ZDHHC19: variants seen among roughly 807,000 people sequenced by gnomAD.
ZDHHC19 encodes palmitoyltransferase ZDHHC19.
ZDHHC19 carries 30 observed loss-of-function variants against 33.9 expected under a neutral mutation model. That is an observed-to-expected ratio of 0.88 (90% CI 0.66 to 1.20). The LOEUF is 1.20. Ranked by LOEUF, ZDHHC19 falls within the 50% of genes most tolerant of loss-of-function variation. The pLI is 0.00. For missense variants in ZDHHC19, 364 were observed against 401.1 expected, an observed-to-expected ratio of 0.91 and a Z score of 0.79; for synonymous variants, 178 against 167.6, an observed-to-expected ratio of 1.06 and a Z score of -0.48.
At chr3:196,210,035 C>T (rs1403378846) in intron 2 of ZDHHC19, among the ~76,000 whole-genome samples, 1 of 151,944 alleles carries the variant, frequency 6.6e-6, no homozygotes. Context: ...ACTAAAAATA[C>T]AAAAAATTAG....
intron 5 of ZDHHC19, among the ~76,000 whole-genome samples, chr3:196,206,492 A>G (rs1235967892): frequency 6.6e-6 from 1 of 151,798 alleles, no homozygotes; most frequent in Non-Finnish European, 1.5e-5. Context: ...AGCTGGGACT[A>G]AAGGCACGTG....
At chr3:196,209,904 G>A (rs944966494) in intron 2 of ZDHHC19, among the ~76,000 whole-genome samples, 5 of 152,172 alleles carry the variant, frequency 3.3e-5, no homozygotes, top group Non-Finnish European at 7.3e-5. Flanking sequence ...TTAAGAAACG[G>A]GGTAGGGCCG....
Position 196,205,387 on chromosome 3 carries a change from G to A in ZDHHC19, c.687+2011C>T, listed in dbSNP as rs561290672. The stretch of plus-strand genomic sequence containing the variant: ...CTCGAATGTATTGTGCTAAGTGAAA[G>A]AAGCCAGACTCACAAGCCAACAATT... On this transcript the variant is annotated intron_variant, in intron 5 of 7. Transcript: ENST00000296326. Among the ~76,000 whole-genome samples, 189 of 152,234 alleles carry A rather than the reference G, an allele frequency of 1.2e-3. 1 individual carries two copies. The highest frequency in any genetic ancestry group is 4.5e-3 in the African/African-American group (186 of 41,552).
intron 2 of ZDHHC19, among the ~76,000 whole-genome samples, chr3:196,209,804 C>G (rs1723068086): frequency 6.6e-6 from 1 of 152,192 alleles, no homozygotes; most frequent in African/African-American, 2.4e-5. Context: ...TTTGGAAGAG[C>G]CCACTGGCTT....
Position 196,209,439 on chromosome 3 carries a change from T to C in ZDHHC19, c.345A>G (p.Pro115=). ...GGGGCGGGCGGTGGAAGCAGCACTT[T>C]GGACACCATTGCAGGCGGAAGGCCC... The part of the protein sequence containing the change: ...NHGAFRLQWC[P]KCCFHRPPRT... The change falls in exon 3 of 8, where the codon CCA becomes CCG. Residue 115 remains proline (P), a synonymous_variant. Transcript: ENST00000296326. 6.2e-7 allele frequency: 1 copy of C among 1,611,272 alleles called. No homozygotes were observed. The highest frequency in any genetic ancestry group is 8.5e-7 in the Non-Finnish European group (1 of 1,179,080).
chr3:196,208,351 C>T (rs370245048), intron 4 of ZDHHC19, 37 bp downstream of exon 4: 1 of 1,607,664 alleles, frequency 6.2e-7, no homozygotes, highest in African/African-American at 1.3e-5. Flanking sequence ...CTTGGCTGTC[C>T]CCGCCTCCTC....
In ZDHHC19 at chr3:196,211,149, C is replaced by T. The variant is rs762883522; in HGVS notation, c.146+21G>A. Reference sequence around the variant, plus strand: ...GGCTGTCTCTTTGTGGGAAACCTAACGGCTTGCCTGGAAAACTCACGGGAA... The same window carrying T: ...GGCTGTCTCTTTGTGGGAAACCTAATGGCTTGCCTGGAAAACTCACGGGAA... On this transcript the variant is annotated intron_variant, in intron 1 of 7. Coordinates refer to ENST00000296326, the MANE Select transcript of ZDHHC19 (RefSeq NM_001039617.2). 27 of 1,614,116 alleles carry T rather than the reference C, an allele frequency of 1.7e-5. 1 individual carries two copies. The highest frequency in any genetic ancestry group is 1.0e-4 in the Admixed American group (6 of 60,022).
At chr3:196,202,710 C>T (rs768876633) in intron 5 of ZDHHC19, among the ~76,000 whole-genome samples, 18 of 152,156 alleles carry the variant, frequency 1.2e-4, no homozygotes, top group Non-Finnish European at 2.5e-4. Context: ...GTGTGCGGTC[C>T]GGAAAGAGTA....
At chr3:196,208,183 G>C in intron 4 of ZDHHC19, among the ~76,000 whole-genome samples, 1 of 152,014 alleles carries the variant, frequency 6.6e-6, no homozygotes. Context: ...ACAGGCGTGA[G>C]CCACCGCGCC....
chr3:196,202,040 C>G (rs1030816933), intron 5 of ZDHHC19, among the ~76,000 whole-genome samples: 5 of 152,082 alleles, frequency 3.3e-5, no homozygotes, highest in African/African-American at 1.2e-4. Flanking sequence ...TTCCAGGGGC[C>G]GGGCGTGGTG....
In ZDHHC19 at chr3:196,198,392, G is replaced by C; in HGVS notation, c.833C>G (p.Pro278Arg). Residue 278 changes from proline (P) to arginine (R), a missense_variant, in exon 7 of 8, where the codon CCG (proline) becomes CGG (arginine). By Grantham distance (103) the Pro-to-Arg change is moderately radical (BLOSUM62 -2). Coordinates refer to ENST00000296326, the MANE Select transcript of ZDHHC19 (RefSeq NM_001039617.2). Reference sequence around the variant, plus strand: ...GGGGGACATTGGAGGGTGCAGATTCGGCATGGATGTCCAGTCAGGCCCCAC... The same window carrying C: ...GGGGGACATTGGAGGGTGCAGATTCCGCATGGATGTCCAGTCAGGCCCCAC... ...RVVGPDWTSM[P>R]NLHPPMSPSA... is the part of the protein sequence containing the mutation. 1 of 1,542,338 alleles carries C rather than the reference G, an allele frequency of 6.5e-7. No homozygotes were observed. Among genetic ancestry groups the C allele is most frequent in the Non-Finnish European group, 8.7e-7 (1 of 1,143,898 alleles).
chr3:196,208,726 G>T, intron 3 of ZDHHC19, 166 bp from the exon 4 acceptor site: 1 of 740,100 alleles, frequency 1.4e-6, no homozygotes, highest in Non-Finnish European at 2.2e-6. Flanking sequence ...CCTCATGCTG[G>T]CATTTCCCTT....
intron 3 of ZDHHC19, chr3:196,208,780 G>A (rs1157254074): frequency 3.5e-6 from 2 of 573,658 alleles, no homozygotes; most frequent in Admixed American, 3.1e-5. Flanking sequence ...TCACCTGTCA[G>A]AAGACCTTTA....
chr3:196,206,981 C>T (rs1365612159), intron 5 of ZDHHC19, among the ~76,000 whole-genome samples: 1 of 152,158 alleles, frequency 6.6e-6, no homozygotes, highest in East Asian at 1.9e-4. Context: ...CTCTCCCGAA[C>T]CCCTAAGCTG....
chr3:196,199,854 A>T (rs1234052659), intron 5 of ZDHHC19, among the ~76,000 whole-genome samples: 17 of 152,024 alleles, frequency 1.1e-4, no homozygotes, highest in African/African-American at 3.4e-4. Flanking sequence ...CTGAGACAGA[A>T]GAATCGCTTG....
Position 196,209,432 on chromosome 3 carries a change from A to G in ZDHHC19, c.352T>C (p.Cys118Arg). The change falls in exon 3 of 8, where the codon TGC becomes CGC. Residue 118 changes from cysteine (C) to arginine (R), a missense_variant. Cys to Arg is a radical substitution (Grantham distance 180). Transcript: ENST00000296326. ...AFRLQWCPKC[C>R]FHRPPRTYHC... ...TAAGTCCGGGGCGGGCGGTGGAAGC[A>G]GCACTTTGGACACCATTGCAGGCGG... 1 of 1,610,716 alleles carries G rather than the reference A, an allele frequency of 6.2e-7. No homozygotes were observed. Among genetic ancestry groups the G allele is most frequent in the Non-Finnish European group, 8.5e-7 (1 of 1,178,846 alleles).
intron 5 of ZDHHC19, among the ~76,000 whole-genome samples, chr3:196,199,899 CAT>C (rs1173170148): frequency 1.3e-5 from 2 of 151,864 alleles, no homozygotes; most frequent in Non-Finnish European, 2.9e-5. Context: ...GAGCCGAGAT[CAT>C]GCCACTGCAC....
chr3:196,201,176 G>A (rs946719863), intron 5 of ZDHHC19, among the ~76,000 whole-genome samples: 6 of 151,372 alleles, frequency 4.0e-5, no homozygotes, highest in South Asian at 2.1e-4. Context: ...GGGTTCAAGC[G>A]ATTCTTCTGC....
chr3:196,207,319 A>T, intron 5 of ZDHHC19, 79 bp downstream of exon 5: 1 of 1,310,380 alleles, frequency 7.6e-7, no homozygotes, highest in Non-Finnish European at 1.1e-6. Flanking sequence ...TCAGGCTATC[A>T]GGGCCAAGGG....
Sources: gnomAD v4.1 joint callset for allele counts (sites outside exome capture counted in the v4.1 genomes callset) on GRCh38, gnomAD v4.1.1 for gene constraint, MANE v1.5 for transcripts, NCBI Gene and HGNC (gene_info 2026-07-23, HGNC 2026-07-21) for gene names.